RALGAPA2: variants seen among roughly 807,000 people sequenced by gnomAD.
The protein encoded by RALGAPA2 is Ral GTPase activating protein catalytic subunit alpha 2.
A neutral mutation model predicts 230.4 loss-of-function variants in RALGAPA2; 139 were observed. The ratio of observed to expected loss-of-function variants is 0.60; its 90% CI spans 0.53 to 0.69. RALGAPA2 has a LOEUF of 0.69. RALGAPA2 is among the 30% of genes least tolerant of loss of function. The probability of loss-of-function intolerance (pLI) is 0.00; values close to 1 mark genes in which losing one functional copy is unlikely to be tolerated. For missense variants in RALGAPA2, 2,163 were observed against 2,276.0 expected (o/e 0.95, Z 1.01); for synonymous variants, 847 against 837.8 (o/e 1.01, Z -0.19).
chr20:20,584,900 T>C lies in RALGAPA2; in HGVS notation c.2495A>G (p.Gln832Arg). ...PAELDLKDDL[Q>R]QTQGKCRERQ... is the part of the protein sequence containing the mutation. Reference sequence around the variant, plus strand: ...TTCCCTACATTTTCCTTGTGTCTGCTGCAAATCATCTTTCAAATCCAATTC... The same window carrying C: ...TTCCCTACATTTTCCTTGTGTCTGCCGCAAATCATCTTTCAAATCCAATTC... The change falls in exon 19 of 40, where the codon CAG (glutamine) becomes CGG (arginine). Residue 832 changes from glutamine (Q) to arginine (R), a missense_variant. Gln to Arg is a conservative substitution (Grantham distance 43, BLOSUM62 1). Transcript: ENST00000202677. 1 of 1,612,092 alleles carries C rather than the reference T, an allele frequency of 6.2e-7. No homozygotes were observed.
intron 26 of RALGAPA2, among the ~76,000 whole-genome samples, chr20:20,535,181 T>C (rs957357752): frequency 2.0e-5 from 3 of 152,116 alleles, no homozygotes; most frequent in African/African-American, 7.2e-5. Flanking sequence ...GGGTTTGAAA[T>C]TGAGGATCAG....
chr20:20,599,662 C>T (rs1450914681), intron 16 of RALGAPA2, among the ~76,000 whole-genome samples: 2 of 152,182 alleles, frequency 1.3e-5, no homozygotes, highest in South Asian at 2.1e-4. Context: ...TTTTACCCTA[C>T]TGCCCTTTCT....
At chr20:20,684,532 C>G (rs2068633698) in intron 1 of RALGAPA2, among the ~76,000 whole-genome samples, 1 of 152,164 alleles carries the variant, frequency 6.6e-6, no homozygotes, top group African/African-American at 2.4e-5. Flanking sequence ...GTGGATAAGG[C>G]ATTGGTGGTG....
intron 28 of RALGAPA2, among the ~76,000 whole-genome samples, 155 bp downstream of exon 28, chr20:20,526,097 A>G (rs190992439): frequency 6.6e-6 from 1 of 152,374 alleles, no homozygotes; most frequent in Admixed American, 6.5e-5. Context: ...ATCACAGCTG[A>G]GAAGAACCAG....
At position 20,547,645 on chromosome 20, in the gene RALGAPA2, TTGTG is replaced by T. The variant is rs145560536; in HGVS notation, c.3157-817_3157-814del. Reference sequence around the variant, plus strand: ...TCTGAAGCCATCTGTGCAAGCGTGTTTGTGTGTGTGTGTGTGTAACAGGAATTAG... The same window carrying T: ...TCTGAAGCCATCTGTGCAAGCGTGTTTGTGTGTGTGTGTAACAGGAATTAG... On this transcript the variant is annotated intron_variant, in intron 23 of 39. Transcript: ENST00000202677. Among the ~76,000 whole-genome samples the T allele has an allele frequency of 1.3e-5, 2 of 151,686 alleles. 1 individual carries two copies. The highest frequency in any genetic ancestry group is 4.2e-4 in the South Asian group (2 of 4,788).
intron 3 of RALGAPA2, among the ~76,000 whole-genome samples, chr20:20,663,763 T>C (rs538062582): frequency 6.6e-6 from 1 of 152,250 alleles, no homozygotes; most frequent in South Asian, 2.1e-4. Context: ...AGCTAATTAT[T>C]GTATTTTTAG....
chr20:20,447,934 A>AT (rs1403363292), intron 37 of RALGAPA2, among the ~76,000 whole-genome samples: 3 of 152,204 alleles, frequency 2.0e-5, no homozygotes, highest in Non-Finnish European at 4.4e-5. Context: ...ACAAGGGGGC[A>AT]TCATTCTGCC....
At chr20:20,552,919 TAAATC>T (rs1368915493) in intron 23 of RALGAPA2, among the ~76,000 whole-genome samples, 1 of 151,868 alleles carries the variant, frequency 6.6e-6, no homozygotes. Context: ...GATTAAAAAA[TAAATC>T]AAATCAACAC....
At chr20:20,396,625 C>T in intron 39 of RALGAPA2, 70 bp downstream of exon 39, 29 of 1,419,918 alleles carry the variant, frequency 2.0e-5, no homozygotes, top group Non-Finnish European at 2.6e-5. Flanking sequence ...CGAGGGCAGC[C>T]GATTAGAAAA....
At chr20:20,461,691 A>C (rs1193519386) in intron 37 of RALGAPA2, among the ~76,000 whole-genome samples, 3 of 152,328 alleles carry the variant, frequency 2.0e-5, no homozygotes, top group African/African-American at 7.2e-5. Context: ...CAAACATACT[A>C]ATTTGCCTTT....
At chr20:20,667,315 G>C (rs1347000064) in intron 3 of RALGAPA2, among the ~76,000 whole-genome samples, 1 of 152,114 alleles carries the variant, frequency 6.6e-6, no homozygotes, top group Non-Finnish European at 1.5e-5. Flanking sequence ...AAGAACAAGA[G>C]ACCCAGTGCT....
chr20:20,602,921 C>T lies in RALGAPA2; in HGVS notation c.2039-1075G>A, dbSNP rs575106674. Among the ~76,000 whole-genome samples, 524 of 152,166 alleles carry T rather than the reference C, an allele frequency of 3.4e-3. 2 individuals are homozygous for T. Among genetic ancestry groups the T allele is most frequent in the African/African-American group, 0.012 (504 of 41,512 alleles). The stretch of plus-strand genomic sequence containing the variant: ...GGTCCTTATCTCCTATTTCAGCTCT[C>T]CTCCTCTGGCCTGAAAGGTATCCTT... On this transcript the variant is annotated intron_variant, in intron 15 of 39. Coordinates refer to ENST00000202677, the MANE Select transcript of RALGAPA2 (RefSeq NM_020343.4).
At chr20:20,423,135 C>T (rs534015330) in intron 37 of RALGAPA2, among the ~76,000 whole-genome samples, 1 of 152,206 alleles carries the variant, frequency 6.6e-6, no homozygotes, top group East Asian at 1.9e-4. Flanking sequence ...GAGATGGATT[C>T]TGGACATAAC....
intron 37 of RALGAPA2, among the ~76,000 whole-genome samples, chr20:20,433,541 C>T (rs756420002): frequency 1.4e-4 from 21 of 152,258 alleles, no homozygotes; most frequent in African/African-American, 4.1e-4. Flanking sequence ...AACCTAAAAA[C>T]GCAGTACTTT....
rs754066260 is a variant in RALGAPA2, at chr20:20,503,434, A to G, written c.5125T>C (p.Tyr1709His). Residue 1709 changes from tyrosine (Y) to histidine (H), a missense_variant, in exon 35 of 40, where the codon TAC becomes CAC. Transcript: ENST00000202677. ...ACTTCCACAGTTGAGGTAGCATAGT[A>G]AGGGGCCGTCTGCCCGGTGCTGCCA... ...RNGSTGQTAP[Y>H]YATSTVEVIF... is the part of the protein sequence containing the mutation. The G allele has an allele frequency of 6.2e-7, 1 of 1,609,418 alleles. No individual in the cohort carries two copies. The highest frequency in any genetic ancestry group is 1.7e-5 in the Admixed American group (1 of 59,450).
Position 20,576,746 on chromosome 20 carries a change from A to G in RALGAPA2, c.2708-3678T>C, listed in dbSNP as rs2064831240. On this transcript the variant is annotated intron_variant, in intron 20 of 39. Coordinates refer to ENST00000202677, the MANE Select transcript of RALGAPA2 (RefSeq NM_020343.4). ...TTTCTCTTTTACATGAAGGTTTAGTAAAGCTAGAAATTATCCTTTATTTTT... is the reference window on the plus strand; with the variant it reads ...TTTCTCTTTTACATGAAGGTTTAGTGAAGCTAGAAATTATCCTTTATTTTT... Among the ~76,000 whole-genome samples, 3 of 152,124 alleles carry G rather than the reference A, an allele frequency of 2.0e-5. No homozygotes were observed. The South Asian group carries it at 6.2e-4, about 32-fold the overall frequency.
chr20:20,445,273 A>G (rs2060834849), intron 37 of RALGAPA2, among the ~76,000 whole-genome samples: 1 of 152,200 alleles, frequency 6.6e-6, no homozygotes, highest in Non-Finnish European at 1.5e-5. Flanking sequence ...ATGTCTGACT[A>G]TTCCATAAGT....
At chr20:20,678,046 C>G (rs540249282) in intron 2 of RALGAPA2, among the ~76,000 whole-genome samples, 50 of 152,156 alleles carry the variant, frequency 3.3e-4, no homozygotes, top group African/African-American at 1.2e-3. Flanking sequence ...GCAGCTAATG[C>G]TATAATCCAG....
At chr20:20,419,092 CAT>C (rs1196560204) in intron 37 of RALGAPA2, among the ~76,000 whole-genome samples, 2 of 152,044 alleles carry the variant, frequency 1.3e-5, no homozygotes, top group Non-Finnish European at 2.9e-5. Context: ...GGGCTACACA[CAT>C]ATGTAGGAAA....
Sources: allele counts gnomAD v4.1 joint callset (sites outside exome capture counted in the v4.1 genomes callset), GRCh38; gene constraint gnomAD v4.1.1; transcripts MANE v1.5; gene names NCBI Gene and HGNC (gene_info 2026-07-23, HGNC 2026-07-21).